The following RNF13 variants were observed in gnomAD, a reference collection of about 807,000 sequenced individuals.
RNF13 encodes E3 ubiquitin-protein ligase RNF13.
Under a neutral mutation model 37.7 loss-of-function variants are expected in RNF13, and 19 were observed. The observed-to-expected ratio is 0.50, with a 90% CI of 0.35 to 0.74. The LOEUF (loss-of-function observed/expected upper bound fraction) is 0.74, where lower values mean the gene tolerates loss of function less well. RNF13 is among the 30% of genes least tolerant of loss of function. The pLI is 0.01. For missense variants in RNF13, 375 were observed against 453.0 expected, an observed-to-expected ratio of 0.83 and a Z score of 1.56; for synonymous variants, 144 against 157.8, an observed-to-expected ratio of 0.91 and a Z score of 0.65.
chr3:149,831,768 G>A (rs1010544460), intron 1 of RNF13, among the ~76,000 whole-genome samples: 2 of 151,962 alleles, frequency 1.3e-5, no homozygotes, highest in Admixed American at 6.6e-5. Flanking sequence ...CTTCATAGCA[G>A]TATGAAAATG....
intron 7 of RNF13, among the ~76,000 whole-genome samples, chr3:149,916,584 T>C (rs1717536080): frequency 6.6e-6 from 1 of 152,174 alleles, no homozygotes; most frequent in African/African-American, 2.4e-5. Context: ...TGAATTTTTG[T>C]TCTTATCATT....
chr3:149,851,234 T>A (rs529739437), intron 2 of RNF13: 1 of 152,344 alleles, frequency 6.6e-6, no homozygotes, highest in African/African-American at 2.4e-5. Context: ...CAACTTTTCC[T>A]GCTGACAGTG....
intron 3 of RNF13, among the ~76,000 whole-genome samples, chr3:149,868,170 C>CT (rs894814053): frequency 2.0e-5 from 3 of 150,862 alleles, no homozygotes; most frequent in Non-Finnish European, 4.4e-5. Flanking sequence ...TTTTGTTTTT[C>CT]TTTTTTTAAA....
chr3:149,946,848 A>G (rs1336558022), intron 8 of RNF13, among the ~76,000 whole-genome samples: 1 of 151,820 alleles, frequency 6.6e-6, no homozygotes, highest in Non-Finnish European at 1.5e-5. Flanking sequence ...CTTATTTTTC[A>G]TTATTCCTTT....
intron 6 of RNF13, among the ~76,000 whole-genome samples, chr3:149,905,320 A>T (rs1431315177): frequency 6.6e-6 from 1 of 152,042 alleles, no homozygotes; most frequent in Non-Finnish European, 1.5e-5. Context: ...TTTCATGTGT[A>T]TTTCTCTTAT....
chr3:149,856,942 G>A (rs1435955291), intron 3 of RNF13, among the ~76,000 whole-genome samples: 1 of 152,092 alleles, frequency 6.6e-6, no homozygotes, highest in South Asian at 2.1e-4. Context: ...TAGAGATGGG[G>A]TTTCACCGTG....
intron 8 of RNF13, among the ~76,000 whole-genome samples, chr3:149,925,686 T>A (rs1380030886): frequency 1.3e-5 from 2 of 152,186 alleles, no homozygotes; most frequent in African/African-American, 4.8e-5. Flanking sequence ...TGTACATATA[T>A]CCTGGTGCAT....
intron 5 of RNF13, among the ~76,000 whole-genome samples, chr3:149,898,511 A>G (rs1336572273): frequency 1.3e-5 from 2 of 152,114 alleles, no homozygotes; most frequent in Admixed American, 6.5e-5. Flanking sequence ...TTTACCACCT[A>G]GTAGCTGTAT....
At chr3:149,888,395 G>C (rs545221951) in intron 4 of RNF13, among the ~76,000 whole-genome samples, 1 of 152,274 alleles carries the variant, frequency 6.6e-6, no homozygotes, top group Admixed American at 6.5e-5. Flanking sequence ...TTTATCATCA[G>C]ATATCTTTTG....
chr3:149,894,895 A>C (rs149313223), intron 4 of RNF13, among the ~76,000 whole-genome samples: 1 of 152,252 alleles, frequency 6.6e-6, no homozygotes, highest in African/African-American at 2.4e-5. Context: ...TTCATGTAAA[A>C]AAATTCTGCC....
chr3:149,902,113 G>A lies in RNF13; in HGVS notation c.451G>A (p.Gly151Ser). Residue 151 changes from glycine to serine, a missense_variant, in exon 6 of 10, where the codon GGT (glycine) becomes AGT (serine). Physicochemically the swap from Gly to Ser is moderately conservative, Grantham distance 56. Transcript: ENST00000392894. ...AATTGACATTCCATCTGTCTTTATT[G>A]GTGAATCATCAGCTAATTCTCTGAA... ...KKIDIPSVFI[G>S]ESSANSLKDE... The A allele has an allele frequency of 6.6e-7, 1 of 1,512,708 alleles. No individual in the cohort carries two copies. Among genetic ancestry groups the A allele is most frequent in the Non-Finnish European group, 8.9e-7 (1 of 1,125,762 alleles). The allele number at this position is 1,512,708 out of a possible 1,614,324, so 93.7% of individuals were successfully genotyped here. A position where few individuals can be genotyped will look rare whatever the true frequency, so the allele number is the denominator to read the frequency against.
intron 3 of RNF13, among the ~76,000 whole-genome samples, chr3:149,868,570 C>T (rs547749057): frequency 3.3e-5 from 5 of 151,306 alleles, no homozygotes; most frequent in Non-Finnish European, 7.4e-5. Context: ...CTCTCCACTC[C>T]TCTCCTCCCC....
chr3:149,898,944 T>C (rs1272939377), intron 5 of RNF13, among the ~76,000 whole-genome samples: 1 of 152,102 alleles, frequency 6.6e-6, no homozygotes, highest in East Asian at 1.9e-4. Flanking sequence ...TCATGCAGAT[T>C]TCTGAAGGAG....
At chr3:149,845,236 A>T (rs1722533790) in intron 1 of RNF13, among the ~76,000 whole-genome samples, 1 of 152,220 alleles carries the variant, frequency 6.6e-6, no homozygotes, top group Non-Finnish European at 1.5e-5. Flanking sequence ...ATATTTAATG[A>T]AATAATTCAT....
intron 3 of RNF13, among the ~76,000 whole-genome samples, chr3:149,863,143 A>T (rs141245640): frequency 6.6e-6 from 1 of 152,318 alleles, no homozygotes; most frequent in East Asian, 1.9e-4. Flanking sequence ...TCTAGTTAGG[A>T]TCTGACCATT....
intron 6 of RNF13, among the ~76,000 whole-genome samples, chr3:149,909,277 CT>C (rs397766921): frequency 3.8e-3 from 533 of 139,824 alleles, no homozygotes; most frequent in South Asian, 6.8e-3. Context: ...TGCTCAAAAC[CT>C]TTTTTTTTTT....
At chr3:149,873,542 G>A (rs758893526) in intron 4 of RNF13, among the ~76,000 whole-genome samples, 2 of 152,040 alleles carry the variant, frequency 1.3e-5, no homozygotes, top group Non-Finnish European at 2.9e-5. Flanking sequence ...TGAATTTTAT[G>A]TTGCAGCCAT....
At chr3:149,905,278 CAGAT>C (rs1192796898) in intron 6 of RNF13, among the ~76,000 whole-genome samples, 1 of 152,166 alleles carries the variant, frequency 6.6e-6, no homozygotes, top group African/African-American at 2.4e-5. Context: ...TTTTACTAAT[CAGAT>C]AGGTGAGAAA....
chr3:149,910,356 C>T (rs1317534976), intron 6 of RNF13, among the ~76,000 whole-genome samples: 2 of 152,140 alleles, frequency 1.3e-5, no homozygotes, highest in African/African-American at 4.8e-5. Flanking sequence ...AATCCTTTGT[C>T]ATCCCCCATT....
Sources: allele counts gnomAD v4.1 joint callset (sites outside exome capture counted in the v4.1 genomes callset), GRCh38; gene constraint gnomAD v4.1.1; transcripts MANE v1.5; gene names NCBI Gene and HGNC (gene_info 2026-07-23, HGNC 2026-07-21).